RAPGEF4: variants seen among roughly 807,000 people sequenced by gnomAD.
RAPGEF4 encodes Rap guanine nucleotide exchange factor 4, also known as RAP guanine-nucleotide-exchange factor (GEF) 4.
Under a neutral mutation model 147.9 loss-of-function variants are expected in RAPGEF4, and 66 were observed. The observed-to-expected ratio is 0.45, with a 90% confidence interval of 0.37 to 0.55. The LOEUF (loss-of-function observed/expected upper bound fraction) is 0.55, where lower values mean the gene tolerates loss of function less well. Among genes scored for constraint, RAPGEF4 ranks in the 20% least tolerant of loss-of-function variants. RAPGEF4 has a pLI of 0.00. For synonymous variants in RAPGEF4, 419 were observed against 442.7 expected, an observed-to-expected ratio of 0.95 and a Z score of 0.67; for missense variants, 1,071 against 1,257.3, an observed-to-expected ratio of 0.85 and a Z score of 2.24.
chr2:172,944,981 T>TC (rs879831699), intron 6 of RAPGEF4, among the ~76,000 whole-genome samples: 2 of 152,146 alleles, frequency 1.3e-5, no homozygotes, highest in Non-Finnish European at 2.9e-5. Flanking sequence ...TGGGTTTTTT[T>TC]TTCTTCTTAT....
Position 172,922,275 on chromosome 2 carries a change from C to T in RAPGEF4, c.518-6C>T. On this transcript the variant is annotated splice_region_variant and splice_polypyrimidine_tract_variant and intron_variant, in intron 5 of 30. Coordinates refer to ENST00000397081, the MANE Select transcript of RAPGEF4 (RefSeq NM_007023.4). ...GGCCTCTCTCTGTCTCTTTTTCCTC[C>T]TTTAGGGATTCCTGACAAGGAGAAC... 1 of 1,607,110 alleles carries T rather than the reference C, an allele frequency of 6.2e-7. No homozygotes were observed.
chr2:172,851,193 T>C (rs1692778599), intron 4 of RAPGEF4, among the ~76,000 whole-genome samples: 1 of 152,250 alleles, frequency 6.6e-6, no homozygotes, highest in African/African-American at 2.4e-5. Context: ...TTTAATTTCA[T>C]TGTTTACTCA....
chr2:172,859,429 A>G (rs1485066614), intron 4 of RAPGEF4, among the ~76,000 whole-genome samples: 1 of 152,254 alleles, frequency 6.6e-6, no homozygotes, highest in East Asian at 1.9e-4. Flanking sequence ...CATGTTTTAA[A>G]GAAAGGAATT....
At chr2:172,767,093 T>C (rs1424451823) in intron 1 of RAPGEF4, among the ~76,000 whole-genome samples, 1 of 152,158 alleles carries the variant, frequency 6.6e-6, no homozygotes, top group African/African-American at 2.4e-5. Flanking sequence ...TATACGGTCA[T>C]AGGTCATCCA....
At chr2:173,022,071 G>T (rs1696155415) in intron 23 of RAPGEF4, among the ~76,000 whole-genome samples, 1 of 152,166 alleles carries the variant, frequency 6.6e-6, no homozygotes, top group African/African-American at 2.4e-5. Flanking sequence ...AATGAGTCGT[G>T]CTGCCCTCTC....
intron 16 of RAPGEF4, among the ~76,000 whole-genome samples, chr2:173,000,364 T>G: frequency 6.6e-6 from 1 of 152,238 alleles, no homozygotes; most frequent in East Asian, 1.9e-4. Context: ...TTTCTCACCA[T>G]TTTCCATTTA....
rs1696919015 is a variant in RAPGEF4 at position 172,767,102 on chromosome 2, C to G, written c.66-27923C>G. Among the ~76,000 whole-genome samples, 2 of 151,876 alleles carry G rather than the reference C, an allele frequency of 1.3e-5. 1 individual carries two copies. The highest frequency in any genetic ancestry group is 6.3e-3 in the Middle Eastern group (2 of 316). On this transcript the variant is annotated intron_variant, in intron 1 of 30. Transcript: ENST00000397081. Reference sequence around the variant, plus strand: ...TTTTTATATACGGTCATAGGTCATCCAAGATACAATAAGGTTTGGGTTGTG... The same window carrying G: ...TTTTTATATACGGTCATAGGTCATCGAAGATACAATAAGGTTTGGGTTGTG...
intron 1 of RAPGEF4, among the ~76,000 whole-genome samples, chr2:172,741,461 G>A (rs1010242927): frequency 6.6e-6 from 1 of 152,150 alleles, no homozygotes; most frequent in African/African-American, 2.4e-5. Flanking sequence ...AAGGGCGTGG[G>A]TGACACCATC....
At chr2:172,887,710 T>C (rs1259906262) in intron 4 of RAPGEF4, among the ~76,000 whole-genome samples, 2 of 152,156 alleles carry the variant, frequency 1.3e-5, no homozygotes, top group East Asian at 1.9e-4. Flanking sequence ...CTTCTGTATC[T>C]GGCCACTCCT....
At chr2:172,836,907 A>C (rs1344982473) in intron 4 of RAPGEF4, among the ~76,000 whole-genome samples, 2 of 152,246 alleles carry the variant, frequency 1.3e-5, no homozygotes, top group African/African-American at 2.4e-5. Flanking sequence ...AAACATTGTT[A>C]GAGTTTATTC....
intron 30 of RAPGEF4, 104 bp downstream of exon 30, chr2:173,048,758 G>A: frequency 1.3e-6 from 2 of 1,555,700 alleles, no homozygotes; most frequent in African/African-American, 1.4e-5. Context: ...ATCTGACTGT[G>A]TCAGAGACAC....
intron 15 of RAPGEF4, among the ~76,000 whole-genome samples, chr2:172,996,226 T>C (rs758521321): frequency 6.6e-6 from 1 of 152,246 alleles, no homozygotes; most frequent in Non-Finnish European, 1.5e-5. Context: ...AAGTTTACCT[T>C]ATTTCCATAT....
At position 173,051,918 on chromosome 2, in the gene RAPGEF4, C is replaced by T. The variant is rs935371264; in HGVS notation, c.*151C>T. ...ACACCTCAGGGCTGCATTCAGCTTACCAGCTACCTAGCAAGAGAAGGAATT... is the reference window on the plus strand; with the variant it reads ...ACACCTCAGGGCTGCATTCAGCTTATCAGCTACCTAGCAAGAGAAGGAATT... On this transcript the variant is annotated 3_prime_UTR_variant, in exon 31 of 31. Transcript: ENST00000397081. The T allele has an allele frequency of 5.1e-6, 4 of 789,076 alleles. No homozygotes were observed. The highest frequency in any genetic ancestry group is 5.9e-6 in the Non-Finnish European group (3 of 506,736). The allele number at this position is 789,076 out of a possible 1,614,324, so 48.9% of individuals were successfully genotyped here.
intron 4 of RAPGEF4, among the ~76,000 whole-genome samples, chr2:172,824,826 A>G (rs544132710): frequency 8.5e-5 from 13 of 152,324 alleles, no homozygotes; most frequent in African/African-American, 2.9e-4. Flanking sequence ...TGTTACTGTG[A>G]ATGAAGTTCT....
rs149045670 is a variant in RAPGEF4, at chr2:172,839,507, A to G, written c.444+25082A>G. Among the ~76,000 whole-genome samples, 268 of 152,158 alleles carry G rather than the reference A, an allele frequency of 1.8e-3. No homozygotes were observed. The South Asian group carries it at 0.019, about 11-fold the overall frequency. Reference sequence around the variant, plus strand: ...TGGCGCTGGTGGGAGTGTAACAGTGAGGATGCCCAGAGGTCAGTCTCTTCA... The same window carrying G: ...TGGCGCTGGTGGGAGTGTAACAGTGGGGATGCCCAGAGGTCAGTCTCTTCA... On this transcript the variant is annotated intron_variant, in intron 4 of 30. Coordinates refer to ENST00000397081, the MANE Select transcript of RAPGEF4 (RefSeq NM_007023.4).
intron 27 of RAPGEF4, 53 bp from the exon 28 acceptor site, chr2:173,036,072 A>C (rs1183485734): frequency 4.5e-6 from 6 of 1,327,222 alleles, no homozygotes; most frequent in East Asian, 2.3e-5. Context: ...GAGGTAACAA[A>C]GGGTGGTGTA....
At chr2:172,789,876 A>C (rs1190192379) in intron 1 of RAPGEF4, among the ~76,000 whole-genome samples, 1 of 152,212 alleles carries the variant, frequency 6.6e-6, no homozygotes, top group Non-Finnish European at 1.5e-5. Context: ...ATAGGCATTT[A>C]GGTTGTTTCT....
At position 173,006,151 on chromosome 2, in the gene RAPGEF4, G is replaced by A. The variant is rs150569813; in HGVS notation, c.1658+4807G>A. ...AGGAAGCCTATAACTCCAATTGCCA[G>A]CAGCAGCTATCTTACAACCATGATG... On this transcript the variant is annotated intron_variant, in intron 17 of 30. Coordinates refer to ENST00000397081, the MANE Select transcript of RAPGEF4 (RefSeq NM_007023.4). Among the ~76,000 whole-genome samples, 797 of 152,322 alleles carry A rather than the reference G, an allele frequency of 5.2e-3. 6 individuals carry two copies. Among genetic ancestry groups the A allele is most frequent in the Middle Eastern group, 0.031 (9 of 294 alleles).
intron 10 of RAPGEF4, 139 bp downstream of exon 10, chr2:172,967,583 C>G: frequency 7.4e-6 from 6 of 809,998 alleles, no homozygotes; most frequent in Non-Finnish European, 1.1e-5. Flanking sequence ...TGAAGGGTGC[C>G]ACAGCAGTGC....
Sources: allele counts gnomAD v4.1 joint callset (sites outside exome capture counted in the v4.1 genomes callset), GRCh38; gene constraint gnomAD v4.1.1; transcripts MANE v1.5; gene names NCBI Gene and HGNC (gene_info 2026-07-23, HGNC 2026-07-21).